Variants in SSBP4 observed in about 807,000 individuals in gnomAD.
SSBP4 encodes the protein single stranded DNA binding protein 4.
Under a neutral mutation model 64.6 loss-of-function variants are expected in SSBP4, and 33 were observed. The ratio of observed to expected loss-of-function variants is 0.51; its 90% CI spans 0.39 to 0.68. The LOEUF (loss-of-function observed/expected upper bound fraction) is 0.68, where lower values mean the gene tolerates loss of function less well. SSBP4 is among the 30% of genes least tolerant of loss of function. The probability of loss-of-function intolerance (pLI) is 0.00; values close to 1 mark genes in which losing one functional copy is unlikely to be tolerated. For missense variants in SSBP4, 583 were observed against 566.8 expected (o/e 1.03, Z -0.29); for synonymous variants, 243 against 224.0 (o/e 1.08, Z -0.76).
At chr19:18,424,927 G>A (rs1363661348) in intron 1 of SSBP4, among the ~76,000 whole-genome samples, 1 of 152,030 alleles carries the variant, frequency 6.6e-6, no homozygotes, top group East Asian at 1.9e-4. Context: ...TAGATGTCAA[G>A]TGAACAGGGA....
upstream of SSBP4, chr19:18,419,247 GC>G (rs1428534552): frequency 1.0e-6 from 1 of 989,900 alleles, no homozygotes; most frequent in South Asian, 4.7e-5. Context: ...GTGTGTAGCC[GC>G]GCCCCCACCC....
At chr19:18,419,344 G>A (rs1972256002), upstream of SSBP4, 1 of 1,017,382 alleles carries the variant, frequency 9.8e-7, no homozygotes, top group African/African-American at 1.7e-5. Context: ...TGCGCCCGCG[G>A]GCGGCGTAGA....
Position 18,431,659 on chromosome 19 carries a change from C to G in SSBP4, c.448C>G (p.Pro150Ala), listed in dbSNP as rs1248223018. 6.4e-7 allele frequency: 1 copy of G among 1,552,014 alleles called. No homozygotes were observed. The highest frequency in any genetic ancestry group is 2.4e-5 in the East Asian group (1 of 41,238). Residue 150 changes from proline (P) to alanine (A), a missense_variant, in exon 7 of 18, where the codon CCG (proline) becomes GCG (alanine). Transcript: ENST00000270061. ...CCACCTCTTCCAGCCCTTCATGTCA[C>G]CGCGCTTCCCAGGGGGCCCCCGGCC... ...MGPHGQPFMSPRFPGGPRPTL... is the reference protein window; with the variant it reads ...MGPHGQPFMSARFPGGPRPTL...
In SSBP4 at chr19:18,434,454, G is replaced by C; in HGVS notation, c.*208G>C. 1.0e-6 allele frequency: 1 copy of C among 988,944 alleles called. No individual in the cohort carries two copies. Among genetic ancestry groups the C allele is most frequent in the South Asian group, 2.5e-5 (1 of 40,576 alleles). The allele number at this position is 988,944 out of a possible 1,614,324, so 61.3% of individuals were successfully genotyped here. A position where few individuals can be genotyped will look rare whatever the true frequency, so the allele number is the denominator to read the frequency against. On this transcript the variant is annotated 3_prime_UTR_variant, in exon 18 of 18. Transcript: ENST00000270061. ...GTTCTTTTCTGTATGGACCCTTCCT[G>C]CCATTTGTATTTTGTCCCAGAGAGA...
upstream of SSBP4, among the ~76,000 whole-genome samples, chr19:18,417,066 C>T (rs1476440707): frequency 6.6e-6 from 1 of 152,014 alleles, no homozygotes; most frequent in Non-Finnish European, 1.5e-5. This position sits in a 1 kb window ranked among gnomAD's most constrained non-coding sequence, Gnocchi z 5.4. Context: ...AGCCTCCCTC[C>T]CTCCTTCCCT....
rs1445992633 is a variant in SSBP4, at chr19:18,427,492, G to A, written c.132+69G>A. On this transcript the variant is annotated intron_variant, in intron 2 of 17. Coordinates refer to ENST00000270061, the MANE Select transcript of SSBP4 (RefSeq NM_032627.5). This position sits in a 1 kb window ranked among gnomAD's most constrained non-coding sequence, Gnocchi z 4.4. ...TCCGGGGGTCCTTCATTTCCACTGGGGATCCAGGGGGTGGGCCCGCGTTGC... is the reference window on the plus strand; with the variant it reads ...TCCGGGGGTCCTTCATTTCCACTGGAGATCCAGGGGGTGGGCCCGCGTTGC... 7.1e-6 allele frequency: 11 copies of A among 1,553,542 alleles called. No homozygotes were observed. Among genetic ancestry groups the A allele is most frequent in the Non-Finnish European group, 9.6e-6 (11 of 1,144,426 alleles).
chr19:18,431,394 C>T lies in SSBP4; in HGVS notation c.411C>T (p.Ala137=). The change falls in exon 6 of 18, where the codon GCC becomes GCT. Residue 137 remains alanine (A), a synonymous_variant. Transcript: ENST00000270061. The part of the protein sequence containing the change: ...GSQPSPHNPN[A]PMMGPHGQPF... ...AGCCGTCCCCCCACAACCCCAACGC[C>T]CCCATGATGGGGCCTCACGGTCAGG... 1 of 1,505,754 alleles carries T rather than the reference C, an allele frequency of 6.6e-7. No homozygotes were observed. The highest frequency in any genetic ancestry group is 9.0e-7 in the Non-Finnish European group (1 of 1,115,912). 93.3% of individuals were successfully genotyped at this position (1,505,754 alleles called of 1,614,324 possible).
the SSBP4 span, among the ~76,000 whole-genome samples, chr19:18,410,614 T>C: frequency 6.6e-6 from 1 of 151,926 alleles, no homozygotes; most frequent in Non-Finnish European, 1.5e-5. Flanking sequence ...AATACAGAAA[T>C]ATGTAAATAT....
intron 6 of SSBP4, 104 bp downstream of exon 6, chr19:18,431,522 G>C (rs746206379): frequency 2.2e-6 from 3 of 1,366,682 alleles, no homozygotes; most frequent in Non-Finnish European, 3.0e-6. Context: ...CCAGCTGGCC[G>C]GGCTTTGCTG....
Position 18,426,523 on chromosome 19 carries a change from C to A in SSBP4, c.60-828C>A, listed in dbSNP as rs910765250. Among the ~76,000 whole-genome samples, 1 of 152,198 alleles carries A rather than the reference C, an allele frequency of 6.6e-6. No homozygotes were observed. The highest frequency in any genetic ancestry group is 2.4e-5 in the African/African-American group (1 of 41,448). On this transcript the variant is annotated intron_variant, in intron 1 of 17. Transcript: ENST00000270061. This position sits in a 1 kb window ranked among gnomAD's most constrained non-coding sequence, Gnocchi z 4.5. ...CTTTGGATAGGGGGTTTGTCCTCTGCTCTCTGGTGTGGCAGCTGGACTGGA... is the reference window on the plus strand; with the variant it reads ...CTTTGGATAGGGGGTTTGTCCTCTGATCTCTGGTGTGGCAGCTGGACTGGA...
chr19:18,422,716 C>G (rs765982010), intron 1 of SSBP4, among the ~76,000 whole-genome samples: 1 of 152,204 alleles, frequency 6.6e-6, no homozygotes, highest in South Asian at 2.1e-4. Context: ...GAGCACCTGC[C>G]GGGGCAGCCA....
intron 1 of SSBP4, among the ~76,000 whole-genome samples, chr19:18,420,861 AAC>A (rs1330405263): frequency 2.6e-5 from 4 of 151,854 alleles, no homozygotes; most frequent in Non-Finnish European, 5.9e-5. Flanking sequence ...AAAAAAAAAA[AAC>A]AAAAAACAAA....
chr19:18,407,956 A>T, the SSBP4 span, among the ~76,000 whole-genome samples: 9 of 151,632 alleles, frequency 5.9e-5, no homozygotes, highest in African/African-American at 2.2e-4. Context: ...CATTGCCCAG[A>T]CTGGTCTCAA....
rs764603009 is a variant in SSBP4, at chr19:18,419,626, C to T, written c.-23C>T. ...GGCGCCGCCTGACAGGTGTGGGCCC[C>T]GGCGGCGGCGGCGTGGAGCAGCATG... On this transcript the variant is annotated 5_prime_UTR_variant, in exon 1 of 18. Coordinates refer to ENST00000270061, the MANE Select transcript of SSBP4 (RefSeq NM_032627.5). The T allele has an allele frequency of 7.2e-6, 9 of 1,248,318 alleles. No individual in the cohort carries two copies. The highest frequency in any genetic ancestry group is 2.1e-5 in the South Asian group (1 of 46,662). The allele number at this position is 1,248,318 out of a possible 1,614,324, so 77.3% of individuals were successfully genotyped here. A position where few individuals can be genotyped will look rare whatever the true frequency, so the allele number is the denominator to read the frequency against.
intron 17 of SSBP4, 151 bp from the exon 18 acceptor site, chr19:18,434,066 T>G: frequency 9.4e-7 from 1 of 1,066,044 alleles, no homozygotes; most frequent in South Asian, 2.7e-5. Context: ...GGCCTTCCCA[T>G]GCATCGCCCC....
At chr19:18,434,134 C>T in intron 17 of SSBP4, 83 bp from the exon 18 acceptor site, 1 of 1,593,358 alleles carries the variant, frequency 6.3e-7, no homozygotes, top group Middle Eastern at 1.7e-4. Flanking sequence ...CCTGCCCTGT[C>T]CCCCATTGTC....
rs201515065 is a variant in SSBP4 at position 18,432,802 on chromosome 19, C to T, written c.787-27C>T. Reference sequence around the variant, plus strand: ...TGGGATGGCAGATGAGGGGCCATTTCTCACGGTTCCTGTCTCTTGTGTGCA... The same window carrying T: ...TGGGATGGCAGATGAGGGGCCATTTTTCACGGTTCCTGTCTCTTGTGTGCA... On this transcript the variant is annotated intron_variant, in intron 12 of 17. Coordinates refer to ENST00000270061, the MANE Select transcript of SSBP4 (RefSeq NM_032627.5). 7.4e-6 allele frequency: 12 copies of T among 1,613,726 alleles called. No individual in the cohort carries two copies. In the South Asian group the frequency reaches 1.3e-4, roughly 18 times the overall value.
chr19:18,408,213 A>G, the SSBP4 span, among the ~76,000 whole-genome samples: 1 of 152,184 alleles, frequency 6.6e-6, no homozygotes, highest in Non-Finnish European at 1.5e-5. Flanking sequence ...TCATGGCCAC[A>G]TGGCTCTCTT....
intron 6 of SSBP4, 51 bp downstream of exon 6, chr19:18,431,469 C>T (rs959158315): frequency 2.3e-5 from 25 of 1,078,570 alleles, no homozygotes; most frequent in Admixed American, 2.7e-5. Context: ...CCTCCCCCAG[C>T]GCCGCCCCCT....
Sources: allele counts gnomAD v4.1 joint callset (sites outside exome capture counted in the v4.1 genomes callset), GRCh38; gene constraint gnomAD v4.1.1; non-coding constraint Gnocchi (gnomAD v3.1); transcripts MANE v1.5; gene names NCBI Gene and HGNC (gene_info 2026-07-23, HGNC 2026-07-21).